DNAAF11: variants seen among roughly 807,000 people sequenced by gnomAD.
The protein encoded by DNAAF11 is leucine rich repeat containing 6.
Under a neutral mutation model 60.8 loss-of-function variants are expected in DNAAF11, and 45 were observed. That is an observed-to-expected ratio of 0.74 (90% CI 0.58 to 0.95). DNAAF11 has a LOEUF of 0.95. Among genes scored for constraint, DNAAF11 ranks in the 40% least tolerant of loss-of-function variants. The probability of loss-of-function intolerance (pLI) is 0.00; values close to 1 mark genes in which losing one functional copy is unlikely to be tolerated. For synonymous variants in DNAAF11, 191 were observed against 183.5 expected (o/e 1.04, Z -0.33); for missense variants, 546 against 546.2 (o/e 1.00, Z 0.00).
intron 10 of DNAAF11, among the ~76,000 whole-genome samples, chr8:132,595,882 G>C (rs747289086): frequency 1.3e-4 from 20 of 152,196 alleles, no homozygotes; most frequent in Non-Finnish European, 7.4e-5. Flanking sequence ...AGTCCAGTTG[G>C]GGGAGGACAC....
chr8:132,613,475 T>G (rs1001551241), intron 8 of DNAAF11, among the ~76,000 whole-genome samples: 1 of 152,128 alleles, frequency 6.6e-6, no homozygotes, highest in Non-Finnish European at 1.5e-5. Context: ...ATATCCCAAA[T>G]AGGCAAATCT....
chr8:132,677,881 G>T (rs1351244565), upstream of DNAAF11, among the ~76,000 whole-genome samples: 2 of 152,112 alleles, frequency 1.3e-5, no homozygotes, highest in African/African-American at 4.8e-5. Flanking sequence ...GGTGAAAAGG[G>T]GTGAACTCCA....
At chr8:132,671,312 G>C (rs1825169232) in intron 1 of DNAAF11, among the ~76,000 whole-genome samples, 1 of 152,280 alleles carries the variant, frequency 6.6e-6, no homozygotes, top group East Asian at 1.9e-4. Context: ...GAAGTACTTA[G>C]AGATAAATCA....
intron 11 of DNAAF11, among the ~76,000 whole-genome samples, chr8:132,580,439 A>T (rs1815206596): frequency 6.6e-6 from 1 of 152,240 alleles, no homozygotes; most frequent in African/African-American, 2.4e-5. Flanking sequence ...AAAATCAAAC[A>T]CAAAAGTAGA....
intron 10 of DNAAF11, among the ~76,000 whole-genome samples, chr8:132,594,935 G>A (rs1816832619): frequency 6.6e-6 from 1 of 152,048 alleles, no homozygotes; most frequent in Non-Finnish European, 1.5e-5. Context: ...GTGATAATGA[G>A]TGAATTCTCA....
chr8:132,665,436 C>A (rs1010981586), intron 1 of DNAAF11, among the ~76,000 whole-genome samples: 6 of 151,862 alleles, frequency 4.0e-5, no homozygotes, highest in Admixed American at 3.3e-4. Context: ...TGAGATCATT[C>A]TAGAGATTTA....
chr8:132,585,005 A>C (rs1815739834), intron 10 of DNAAF11, among the ~76,000 whole-genome samples: 1 of 152,204 alleles, frequency 6.6e-6, no homozygotes, highest in South Asian at 2.1e-4. Context: ...TTGGGCACTT[A>C]ATCATATTAA....
chr8:132,674,400 G>T (rs1825568997), intron 1 of DNAAF11, among the ~76,000 whole-genome samples: 1 of 152,086 alleles, frequency 6.6e-6, no homozygotes, highest in South Asian at 2.1e-4. Context: ...AGGGCAGAAA[G>T]CCCATCATCT....
At chr8:132,631,905 A>G (rs1186392131) in intron 5 of DNAAF11, among the ~76,000 whole-genome samples, 1 of 152,146 alleles carries the variant, frequency 6.6e-6, no homozygotes, top group Non-Finnish European at 1.5e-5. Context: ...TAGGAGATAT[A>G]CCTAATGTTA....
chr8:132,665,503 C>T (rs927924516), intron 1 of DNAAF11, among the ~76,000 whole-genome samples: 1 of 151,882 alleles, frequency 6.6e-6, no homozygotes, highest in African/African-American at 2.4e-5. Flanking sequence ...AAAAGCTCCA[C>T]ATCACTAGTC....
intron 10 of DNAAF11, among the ~76,000 whole-genome samples, chr8:132,605,187 C>G (rs748477825): frequency 1.3e-5 from 2 of 152,096 alleles, no homozygotes; most frequent in Non-Finnish European, 2.9e-5. Context: ...AATGAGGAAT[C>G]TGAGGCACAG....
chr8:132,675,394 A>C (rs1398595611), intron 1 of DNAAF11, 90 bp downstream of exon 1: 1 of 1,412,046 alleles, frequency 7.1e-7, no homozygotes. Context: ...CCGACAGCGC[A>C]GGGCGGGAGC....
intron 1 of DNAAF11, among the ~76,000 whole-genome samples, chr8:132,673,998 AAGAAGG>A (rs952715590): frequency 9.5e-4 from 145 of 151,838 alleles, no homozygotes; most frequent in African/African-American, 2.9e-3. Flanking sequence ...AAAAGCGAAG[AAGAAGG>A]AGAAGGAGAA....
At chr8:132,627,854 C>T (rs920235091) in intron 5 of DNAAF11, among the ~76,000 whole-genome samples, 1 of 152,156 alleles carries the variant, frequency 6.6e-6, no homozygotes. Flanking sequence ...GCTGCTGCTA[C>T]CCTCGCTGGG....
At chr8:132,634,340 C>G (rs1821085676) in intron 4 of DNAAF11, among the ~76,000 whole-genome samples, 1 of 152,116 alleles carries the variant, frequency 6.6e-6, no homozygotes, top group Non-Finnish European at 1.5e-5. Flanking sequence ...ATTTCTAGCA[C>G]AGAGTTTCAT....
At chr8:132,613,209 C>G (rs1300510712) in intron 8 of DNAAF11, among the ~76,000 whole-genome samples, 1 of 152,178 alleles carries the variant, frequency 6.6e-6, no homozygotes, top group African/African-American at 2.4e-5. Flanking sequence ...TCTGAGACAG[C>G]TTGGTGTGGA....
At chr8:132,598,209 T>A (rs1817222379) in intron 10 of DNAAF11, among the ~76,000 whole-genome samples, 2 of 152,200 alleles carry the variant, frequency 1.3e-5, no homozygotes, top group Non-Finnish European at 2.9e-5. Context: ...TTGTCGTTAT[T>A]ATTAACTGGT....
At chr8:132,701,488 C>A in the DNAAF11 span, among the ~76,000 whole-genome samples, 1 of 152,074 alleles carries the variant, frequency 6.6e-6, no homozygotes, top group Non-Finnish European at 1.5e-5. Context: ...TTCTGTTATT[C>A]AGGCAGAGGT....
intron 10 of DNAAF11, among the ~76,000 whole-genome samples, chr8:132,609,616 CCT>C (rs1292956138): frequency 2.0e-5 from 3 of 152,070 alleles, no homozygotes; most frequent in Admixed American, 6.6e-5. Flanking sequence ...TTTCTCTGAT[CCT>C]CTGTCTTTTT....
Sources: allele counts gnomAD v4.1 joint callset (sites outside exome capture counted in the v4.1 genomes callset), GRCh38; gene constraint gnomAD v4.1.1; transcripts MANE v1.5; gene names NCBI Gene and HGNC (gene_info 2026-07-23, HGNC 2026-07-21).